Variants in IFTAP observed in about 807,000 individuals in gnomAD.
IFTAP encodes the protein intraflagellar transport-associated protein.
IFTAP carries 19 observed loss-of-function variants against 19.4 expected under a neutral mutation model. The ratio of observed to expected loss-of-function variants is 0.98; its 90% CI spans 0.68 to 1.44. The LOEUF is 1.44. IFTAP is among the 40% of genes most tolerant of loss of function. The pLI is 0.00. For synonymous variants in IFTAP, 85 were observed against 83.5 expected, an observed-to-expected ratio of 1.02 and a Z score of -0.10; for missense variants, 240 against 253.6, an observed-to-expected ratio of 0.95 and a Z score of 0.36.
At chr11:36,632,245 T>C (rs960791983) in intron 2 of IFTAP, among the ~76,000 whole-genome samples, 7 of 151,298 alleles carry the variant, frequency 4.6e-5, no homozygotes, top group Non-Finnish European at 7.4e-5. Context: ...TGCCACTCAA[T>C]GAATGTTAAC....
chr11:36,636,201 G>A (rs575518577), intron 4 of IFTAP, 84 bp downstream of exon 4: 153 of 1,067,052 alleles, frequency 1.4e-4, no homozygotes, highest in Middle Eastern at 2.4e-4. Flanking sequence ...CCTGTTTTTG[G>A]CAATTCTTAC....
intron 4 of IFTAP, among the ~76,000 whole-genome samples, chr11:36,643,447 C>T (rs1008300535): frequency 6.6e-6 from 1 of 152,132 alleles, no homozygotes; most frequent in East Asian, 1.9e-4. Context: ...AGATTCAATG[C>T]CATCCCCATC....
intron 1 of IFTAP, among the ~76,000 whole-genome samples, chr11:36,605,643 A>G (rs12273195): frequency 0.041 from 6,215 of 152,214 alleles, 413 homozygotes; most frequent in African/African-American, 0.14. Flanking sequence ...AGTGAACCCT[A>G]TTCCTAACCA....
chr11:36,618,703 G>T (rs981518135), intron 2 of IFTAP, among the ~76,000 whole-genome samples: 5 of 152,076 alleles, frequency 3.3e-5, no homozygotes, highest in Non-Finnish European at 7.4e-5. Context: ...GAAGGAGGCT[G>T]TGTAATGATG....
intron 4 of IFTAP, among the ~76,000 whole-genome samples, chr11:36,637,045 T>C (rs1852983019): frequency 1.3e-5 from 2 of 152,152 alleles, no homozygotes; most frequent in South Asian, 4.1e-4. Flanking sequence ...TGTTTAACTA[T>C]TGTTTACTGT....
At position 36,623,275 on chromosome 11, in the gene IFTAP, T is replaced by C. The variant is rs546243011; in HGVS notation, c.137-10009T>C. ...GAGGAGTTTAGGGAGATAAATGAATTTTTCAACACTTTTTGTCCATTTTTG... is the reference window on the plus strand; with the variant it reads ...GAGGAGTTTAGGGAGATAAATGAATCTTTCAACACTTTTTGTCCATTTTTG... On this transcript the variant is annotated intron_variant, in intron 2 of 5. Coordinates refer to ENST00000334307, the MANE Select transcript of IFTAP (RefSeq NM_138787.4). Among the ~76,000 whole-genome samples, 6 of 152,000 alleles carry C rather than the reference T, an allele frequency of 3.9e-5. No individual in the cohort carries two copies. The South Asian group carries it at 1.0e-3, about 26-fold the overall frequency.
At chr11:36,646,851 T>C (rs1307424825) in intron 4 of IFTAP, among the ~76,000 whole-genome samples, 1 of 152,184 alleles carries the variant, frequency 6.6e-6, no homozygotes, top group African/African-American at 2.4e-5. Context: ...TTATTGTTTT[T>C]ATTTCTGCTA....
At chr11:36,626,438 G>A (rs1852515217) in intron 2 of IFTAP, among the ~76,000 whole-genome samples, 1 of 151,254 alleles carries the variant, frequency 6.6e-6, no homozygotes, top group Non-Finnish European at 1.5e-5. Flanking sequence ...TTCCAGCCTG[G>A]CAGAGTGTTA....
At chr11:36,637,405 CTAACTT>C (rs1404510359) in intron 4 of IFTAP, among the ~76,000 whole-genome samples, 3 of 152,132 alleles carry the variant, frequency 2.0e-5, no homozygotes, top group African/African-American at 7.2e-5. Flanking sequence ...GAGAGGTTCT[CTAACTT>C]TAATACCCTG....
chr11:36,607,394 G>A (rs1024189745), intron 1 of IFTAP, among the ~76,000 whole-genome samples: 2 of 152,142 alleles, frequency 1.3e-5, no homozygotes, highest in African/African-American at 2.4e-5. Context: ...TTGGAGTTTA[G>A]AAAGGTAATC....
Position 36,604,763 on chromosome 11 carries a change from A to G in IFTAP, c.-23-5318A>G, listed in dbSNP as rs185824706. 1.7e-3 allele frequency among the ~76,000 whole-genome samples: 252 copies of G among 152,238 alleles called. 1 individual carries two copies. Among genetic ancestry groups the G allele is most frequent in the African/African-American group, 5.8e-3 (241 of 41,542 alleles). ...GAGAACCACCCATTACTGCTCATCA[A>G]TAGAGTCATTAGTTGACAGAAACCC... On this transcript the variant is annotated intron_variant, in intron 1 of 5. Coordinates refer to ENST00000334307, the MANE Select transcript of IFTAP (RefSeq NM_138787.4).
chr11:36,634,483 C>T lies in IFTAP; in HGVS notation c.291+1045C>T, dbSNP rs181732968. ...TCCGCTATGGCTTACTGAATTTGGT[C>T]TGTTATGCTCAGCTAATTAACAAAA... On this transcript the variant is annotated intron_variant, in intron 3 of 5. Transcript: ENST00000334307. Among the ~76,000 whole-genome samples the T allele has an allele frequency of 3.1e-3, 475 of 152,234 alleles. 3 individuals carry two copies. The highest frequency in any genetic ancestry group is 0.011 in the African/African-American group (454 of 41,564).
intron 1 of IFTAP, among the ~76,000 whole-genome samples, chr11:36,608,195 G>T (rs1851760874): frequency 6.6e-6 from 1 of 152,182 alleles, no homozygotes; most frequent in African/African-American, 2.4e-5. Flanking sequence ...TATAGGGAAA[G>T]ATTTAGAAGT....
At chr11:36,617,229 TTTTGTATATTTATTTA>T (rs1279549907) in intron 2 of IFTAP, among the ~76,000 whole-genome samples, 3 of 148,812 alleles carry the variant, frequency 2.0e-5, no homozygotes, top group Non-Finnish European at 3.0e-5. Context: ...ATATTTATTT[TTTTGTATATTTATTTA>T]TTTGTATATT....
At chr11:36,598,846 C>G (rs960473445) in intron 1 of IFTAP, among the ~76,000 whole-genome samples, 2 of 152,158 alleles carry the variant, frequency 1.3e-5, no homozygotes, top group African/African-American at 2.4e-5. Flanking sequence ...CTCTGTTTCT[C>G]TGTCTCTGAA....
chr11:36,596,710 T>C (rs765019879), intron 1 of IFTAP, among the ~76,000 whole-genome samples: 6 of 152,192 alleles, frequency 3.9e-5, no homozygotes, highest in Non-Finnish European at 8.8e-5. Context: ...ATGACTGTTA[T>C]TGAGATACAA....
At chr11:36,649,598 T>TG (rs1422486413) in intron 5 of IFTAP, among the ~76,000 whole-genome samples, 1 of 152,148 alleles carries the variant, frequency 6.6e-6, no homozygotes, top group Non-Finnish European at 1.5e-5. Flanking sequence ...TGTTACAAAG[T>TG]GGTTTTAATT....
At position 36,594,508 on chromosome 11, in the gene IFTAP, G is replaced by T; in HGVS notation, c.-108G>T. The T allele has an allele frequency of 3.0e-6, 1 of 329,190 alleles. No homozygotes were observed. Among genetic ancestry groups the T allele is most frequent in the Non-Finnish European group, 5.7e-6 (1 of 176,244 alleles). 20.4% of individuals were successfully genotyped at this position (329,190 alleles called of 1,614,324 possible). ...CATTTCCCAAGAATCCGTTCTCTCT[G>T]GGATGTGTAGCTTTGGAAATCTGTC... is the stretch of plus-strand genomic sequence containing the variant. On this transcript the variant is annotated 5_prime_UTR_variant, in exon 1 of 6. Coordinates refer to ENST00000334307, the MANE Select transcript of IFTAP (RefSeq NM_138787.4).
intron 1 of IFTAP, among the ~76,000 whole-genome samples, chr11:36,595,975 ATATTT>A (rs1228642939): frequency 1.3e-5 from 2 of 152,176 alleles, no homozygotes; most frequent in African/African-American, 4.8e-5. Context: ...AAGATAGTTA[ATATTT>A]TATTCTTCTT....
Sources: gnomAD v4.1 joint callset for allele counts (sites outside exome capture counted in the v4.1 genomes callset) on GRCh38, gnomAD v4.1.1 for gene constraint, MANE v1.5 for transcripts, NCBI Gene and HGNC (gene_info 2026-07-23, HGNC 2026-07-21) for gene names.